Variants in ZC4H2 observed in about 807,000 individuals in gnomAD.
ZC4H2 encodes zinc finger C4H2 domain-containing protein.
For synonymous variants in ZC4H2, 84 were observed against 66.3 expected, an observed-to-expected ratio of 1.27 and a Z score of -1.30; for missense variants, 137 against 173.9, an observed-to-expected ratio of 0.79 and a Z score of 1.19.
intron 1 of ZC4H2, among the ~76,000 whole-genome samples, chrX:65,020,061 T>C (rs963480149): frequency 5.8e-4 from 65 of 111,814 alleles, no homozygotes; most frequent in African/African-American, 1.9e-3. Flanking sequence ...CTACGTCTGA[T>C]TGGTGTACCT....
intron 1 of ZC4H2, among the ~76,000 whole-genome samples, chrX:65,003,480 CAATG>C (rs1324992054): frequency 1.8e-5 from 2 of 111,711 alleles, no homozygotes; most frequent in Non-Finnish European, 3.8e-5. Flanking sequence ...TGCAAAAAAT[CAATG>C]AATGAAGAAG....
In ZC4H2 at chrX:64,996,040, G is replaced by A. The variant is rs145003285; in HGVS notation, c.-272+38589C>T. On this transcript the variant is annotated intron_variant, in intron 1 of 4. Transcript: ENST00000337990. ...TTTAGAGAGCCACACTTATGCCCAA[G>A]ACAAGATGCATACTCAGAAAAAACC... 1.9e-3 allele frequency among the ~76,000 whole-genome samples: 214 copies of A among 111,577 alleles called. 1 individual carries two copies. The East Asian group carries it at 0.03, about 16-fold the overall frequency.
At chrX:64,959,731 T>C (rs1931303071) in intron 1 of ZC4H2, among the ~76,000 whole-genome samples, 1 of 109,842 alleles carries the variant, frequency 9.1e-6, no homozygotes, top group African/African-American at 3.3e-5. Context: ...GAAGACAATA[T>C]GAATAGTCAT....
In ZC4H2 at chrX:64,916,313, C is replaced by T. The variant is rs777581781; in HGVS notation, c.*1470G>A. The T allele has an allele frequency of 9.0e-6, 1 of 111,230 alleles. No homozygotes were observed. Among genetic ancestry groups the T allele is most frequent in the Non-Finnish European group, 1.9e-5 (1 of 53,064 alleles). The allele number at this position is 111,230 out of a possible 1,213,427, so 9.2% of individuals were successfully genotyped here. A position where few individuals can be genotyped will look rare whatever the true frequency, so the allele number is the denominator to read the frequency against. On this transcript the variant is annotated 3_prime_UTR_variant, in exon 5 of 5. Coordinates refer to ENST00000374839, the MANE Select transcript of ZC4H2 (RefSeq NM_018684.4). ...TTGTGATAATTAGGTAAATTATTGT[C>T]CTTGGTGCCTGGCTTTCTCATTTGT... is the stretch of plus-strand genomic sequence containing the variant.
chrX:64,970,036 C>T (rs1428676642), intron 1 of ZC4H2, among the ~76,000 whole-genome samples: 1 of 111,446 alleles, frequency 9.0e-6, no homozygotes, highest in Non-Finnish European at 1.9e-5. Context: ...TCTTATTTAT[C>T]CTAAGTGATG....
intron 1 of ZC4H2, among the ~76,000 whole-genome samples, chrX:64,951,508 T>C (rs760554520): frequency 4.5e-5 from 5 of 112,275 alleles, no homozygotes; most frequent in East Asian, 2.8e-4. Flanking sequence ...TGGTGTGAGA[T>C]GGTATCTCAA....
chrX:65,019,940 A>G (rs1293622609), intron 1 of ZC4H2, among the ~76,000 whole-genome samples: 1 of 112,141 alleles, frequency 8.9e-6, no homozygotes, highest in East Asian at 2.8e-4. Flanking sequence ...GATATCAGAG[A>G]TTGAGGACCA....
At chrX:64,947,904 A>C (rs1047120413) in intron 1 of ZC4H2, among the ~76,000 whole-genome samples, 4 of 109,341 alleles carry the variant, frequency 3.7e-5, no homozygotes, top group Admixed American at 2.0e-4. Context: ...GGCCTCCCTG[A>C]ATCTGCTGTG....
intron 1 of ZC4H2, among the ~76,000 whole-genome samples, chrX:64,956,695 CCAAA>C (rs997354975): frequency 8.9e-6 from 1 of 111,755 alleles, no homozygotes; most frequent in African/African-American, 3.3e-5. Context: ...ACAGACCAAA[CCAAA>C]CAAACATGGA....
At chrX:65,010,220 T>C (rs1932736086) in intron 1 of ZC4H2, among the ~76,000 whole-genome samples, 1 of 112,170 alleles carries the variant, frequency 8.9e-6, no homozygotes, top group South Asian at 3.7e-4. Context: ...ACAATGGAAT[T>C]GTCTATTTTC....
At chrX:64,917,975 G>T in intron 4 of ZC4H2, 79 bp from the exon 5 acceptor site, 1 of 1,074,410 alleles carries the variant, frequency 9.3e-7, no homozygotes, top group South Asian at 2.2e-5. Context: ...TTCCCCAGGG[G>T]CCCAGAAAGC....
intron 1 of ZC4H2, among the ~76,000 whole-genome samples, chrX:64,928,160 C>T (rs1929515206): frequency 8.9e-6 from 1 of 111,753 alleles, no homozygotes; most frequent in Non-Finnish European, 1.9e-5. Context: ...GCTTTTGTTG[C>T]CATTTCTTTT....
chrX:64,927,013 C>T (rs1231404561), intron 1 of ZC4H2, among the ~76,000 whole-genome samples: 3 of 111,601 alleles, frequency 2.7e-5, no homozygotes, highest in Non-Finnish European at 5.6e-5. Context: ...TGAGTATTTC[C>T]GCAGACATGT....
chrX:64,946,302 T>C (rs1406869779), intron 1 of ZC4H2, among the ~76,000 whole-genome samples: 2 of 111,374 alleles, frequency 1.8e-5, no homozygotes, highest in Admixed American at 1.9e-4. Context: ...AAAAGCGTAG[T>C]ATCTGGGGCA....
At chrX:64,982,852 G>C (rs937222655) in intron 1 of ZC4H2, among the ~76,000 whole-genome samples, 1 of 112,196 alleles carries the variant, frequency 8.9e-6, no homozygotes, top group Non-Finnish European at 1.9e-5. Context: ...AAATGAAACA[G>C]ACTGGGAAAG....
At chrX:65,014,612 T>A (rs1244748436) in intron 1 of ZC4H2, among the ~76,000 whole-genome samples, 1 of 111,880 alleles carries the variant, frequency 8.9e-6, no homozygotes, top group Admixed American at 9.5e-5. Context: ...TTGGCTGTAA[T>A]CTGTGGGAAA....
At chrX:64,961,513 T>G (rs1931389052) in intron 1 of ZC4H2, among the ~76,000 whole-genome samples, 1 of 111,556 alleles carries the variant, frequency 9.0e-6, no homozygotes, top group South Asian at 3.7e-4. Flanking sequence ...ATAATAACTT[T>G]TAATGTCATC....
intron 1 of ZC4H2, among the ~76,000 whole-genome samples, chrX:65,014,445 T>G (rs1306119967): frequency 8.9e-6 from 1 of 111,875 alleles, no homozygotes; most frequent in African/African-American, 3.2e-5. Flanking sequence ...CAGCATAACC[T>G]GGGCACTTTT....
At chrX:64,924,212 T>G (rs1401488273) in intron 1 of ZC4H2, among the ~76,000 whole-genome samples, 2 of 112,019 alleles carry the variant, frequency 1.8e-5, no homozygotes, top group Admixed American at 1.9e-4. Context: ...AAAAGAAGCA[T>G]GCGCTTTAGA....
Sources: allele counts gnomAD v4.1 joint callset (sites outside exome capture counted in the v4.1 genomes callset), GRCh38; gene constraint gnomAD v4.1.1; transcripts MANE v1.5; gene names NCBI Gene and HGNC (gene_info 2026-07-23, HGNC 2026-07-21).